ZNF558: variants seen among roughly 807,000 people sequenced by gnomAD.
ZNF558 encodes the protein zinc finger protein 558.
ZNF558 carries 23 observed loss-of-function variants against 37.6 expected under a neutral mutation model. The observed-to-expected ratio is 0.61, with a 90% CI of 0.44 to 0.87. ZNF558 has a LOEUF of 0.87. Among genes scored for constraint, ZNF558 ranks in the 40% least tolerant of loss-of-function variants. ZNF558 has a pLI of 0.00. For missense variants in ZNF558, 429 were observed against 483.7 expected (o/e 0.89, Z 1.06); for synonymous variants, 189 against 174.4 (o/e 1.08, Z -0.66).
chr19:8,813,434 C>T (rs1170191796), intron 7 of ZNF558, among the ~76,000 whole-genome samples: 1 of 152,176 alleles, frequency 6.6e-6, no homozygotes, highest in African/African-American at 2.4e-5. Flanking sequence ...TCTCGGCTCA[C>T]TGCAACCTCT....
In ZNF558 at chr19:8,813,131, A is replaced by C. The variant is rs1021230791; in HGVS notation, c.339T>G (p.Cys113Trp). Residue 113 changes from cysteine to tryptophan, a missense_variant, in exon 8 of 10, where the codon TGT (cysteine) becomes TGG (tryptophan). Physicochemically the swap from Cys to Trp is radical, Grantham distance 215 (BLOSUM62 -2). Transcript: ENST00000601372. The part of the protein sequence containing the change: ...TEERGILPST[C>W]PDLETLLKAK... Reference sequence around the variant, plus strand: ...TCATATCCACCTGGTGCTCACCTGGACAGGTGCTTGGTAGAATTCCTCTTT... The same window carrying C: ...TCATATCCACCTGGTGCTCACCTGGCCAGGTGCTTGGTAGAATTCCTCTTT... 7 of 1,584,340 alleles carry C rather than the reference A, an allele frequency of 4.4e-6. No homozygotes were observed. In the Admixed American group the frequency reaches 7.2e-5, roughly 16 times the overall value.
chr19:8,835,596 C>T (rs1265911692), upstream of ZNF558, among the ~76,000 whole-genome samples: 1 of 152,134 alleles, frequency 6.6e-6, no homozygotes, highest in Non-Finnish European at 1.5e-5. Context: ...TAAAATGGTG[C>T]ACCCACTTTG....
chr19:8,816,595 C>T (rs747934265), intron 7 of ZNF558, among the ~76,000 whole-genome samples: 4 of 152,116 alleles, frequency 2.6e-5, no homozygotes, highest in Admixed American at 1.3e-4. Flanking sequence ...GAAATGAAGA[C>T]CTTCCCATAA....
intron 7 of ZNF558, among the ~76,000 whole-genome samples, chr19:8,813,476 A>G (rs1386304877): frequency 6.6e-6 from 1 of 152,086 alleles, no homozygotes; most frequent in South Asian, 2.1e-4. Context: ...CTCCTGCCTC[A>G]GCCTCCCAAG....
intron 7 of ZNF558, among the ~76,000 whole-genome samples, chr19:8,819,902 C>T (rs147470625): frequency 2.0e-5 from 3 of 152,264 alleles, no homozygotes; most frequent in African/African-American, 7.2e-5. Context: ...GATCGTGCTG[C>T]GCCACTGCAC....
chr19:8,812,337 T>C (rs113298130), intron 9 of ZNF558, among the ~76,000 whole-genome samples: 2 of 152,362 alleles, frequency 1.3e-5, no homozygotes, highest in Admixed American at 6.5e-5. Flanking sequence ...GAGCCACAGA[T>C]AGGAAATATT....
intron 7 of ZNF558, among the ~76,000 whole-genome samples, chr19:8,819,941 G>A (rs1408017468): frequency 2.6e-5 from 4 of 152,120 alleles, no homozygotes; most frequent in Admixed American, 2.0e-4. Flanking sequence ...GGGAGACTGT[G>A]TCAAAACAAG....
At chr19:8,828,690 G>A (rs1431438689) in intron 2 of ZNF558, among the ~76,000 whole-genome samples, 3 of 152,080 alleles carry the variant, frequency 2.0e-5, no homozygotes, top group East Asian at 1.9e-4. Flanking sequence ...AGCCGGGCAC[G>A]GTGGCTCATG....
chr19:8,834,676 C>T (rs539265330), upstream of ZNF558, among the ~76,000 whole-genome samples: 67 of 136,424 alleles, frequency 4.9e-4, no homozygotes, highest in Admixed American at 1.1e-3. Flanking sequence ...AAACAAAAAA[C>T]AGAGAATGAA....
At chr19:8,823,229 G>A (rs1419378080) in intron 4 of ZNF558, among the ~76,000 whole-genome samples, 3 of 151,786 alleles carry the variant, frequency 2.0e-5, no homozygotes, top group Non-Finnish European at 4.4e-5. Context: ...CCAGAACAAC[G>A]TTCAGAAACT....
chr19:8,822,106 A>G lies in ZNF558; in HGVS notation c.32-15T>C, dbSNP rs376739774. The G allele has an allele frequency of 8.7e-5, 140 of 1,613,758 alleles. 1 individual carries two copies. The African/African-American group carries it at 1.7e-3, about 20-fold the overall frequency. On this transcript the variant is annotated splice_polypyrimidine_tract_variant and intron_variant, in intron 5 of 9. Coordinates refer to ENST00000601372, the MANE Select transcript of ZNF558 (RefSeq NM_144693.3). The surrounding 1 kb of genome is among the most constrained non-coding windows in gnomAD (Gnocchi z 4.4). ...GGAAGACGGAGCTGGAGGAGGAGAAATGAGTCCCATGGATTCAGGCTTGTC... is the reference window on the plus strand; with the variant it reads ...GGAAGACGGAGCTGGAGGAGGAGAAGTGAGTCCCATGGATTCAGGCTTGTC...
chr19:8,811,042 T>C lies in ZNF558; in HGVS notation c.*239A>G, dbSNP rs2043773341. On this transcript the variant is annotated 3_prime_UTR_variant, in exon 10 of 10. Coordinates refer to ENST00000601372, the MANE Select transcript of ZNF558 (RefSeq NM_144693.3). ...GATGACTATAGCTTTGGCTGACATC[T>C]TGATTGTAAGTAAAGGCATGAGAGA... 5 of 438,158 alleles carry C rather than the reference T, an allele frequency of 1.1e-5. No individual in the cohort carries two copies. The highest frequency in any genetic ancestry group is 2.0e-5 in the Non-Finnish European group (5 of 247,306). 27.1% of individuals were successfully genotyped at this position (438,158 alleles called of 1,614,324 possible).
At chr19:8,818,335 C>T (rs745938966) in intron 7 of ZNF558, among the ~76,000 whole-genome samples, 7 of 151,956 alleles carry the variant, frequency 4.6e-5, no homozygotes, top group Non-Finnish European at 1.0e-4. Context: ...ACCTGTAGTC[C>T]GAGCTACTCG....
chr19:8,821,873 T>C, intron 6 of ZNF558, 130 bp downstream of exon 6: 1 of 1,526,314 alleles, frequency 6.6e-7, no homozygotes, highest in Non-Finnish European at 8.8e-7. Flanking sequence ...TCACCCTCCA[T>C]CTGATGCCTG....
In ZNF558 at chr19:8,822,125, G is replaced by A. The variant is rs767354729; in HGVS notation, c.32-34C>T. The stretch of plus-strand genomic sequence containing the variant: ...GGAGAAATGAGTCCCATGGATTCAG[G>A]CTTGTCTGACACCCACAGATCTGCC... On this transcript the variant is annotated intron_variant, in intron 5 of 9. Transcript: ENST00000601372. This position sits in a 1 kb window ranked among gnomAD's most constrained non-coding sequence, Gnocchi z 4.4. The A allele has an allele frequency of 4.0e-5, 64 of 1,612,600 alleles. No homozygotes were observed. The East Asian group carries it at 1.3e-3, about 33-fold the overall frequency.
intron 4 of ZNF558, among the ~76,000 whole-genome samples, chr19:8,823,527 G>A (rs1259356791): frequency 2.6e-5 from 3 of 113,240 alleles, no homozygotes; most frequent in African/African-American, 1.1e-4. Context: ...TCCTGCCCAT[G>A]TTCTGCCTGT....
intron 2 of ZNF558, 140 bp from the exon 3 acceptor site, chr19:8,825,248 A>G (rs1172872611): frequency 2.0e-5 from 3 of 152,278 alleles, no homozygotes; most frequent in Non-Finnish European, 2.9e-5. Flanking sequence ...GGCACTTCAT[A>G]TAATCGCAGA....
Position 8,808,327 on chromosome 19 carries a change from ATAAATGTT to A in ZNF558, c.*2946_*2953del, listed in dbSNP as rs1425338187. 2.2e-5 allele frequency: 3 copies of A among 138,146 alleles called. No homozygotes were observed. The highest frequency in any genetic ancestry group is 5.3e-5 in the African/African-American group (2 of 37,846). The allele number at this position is 138,146 out of a possible 1,614,324, so 8.6% of individuals were successfully genotyped here. A position where few individuals can be genotyped will look rare whatever the true frequency, so the allele number is the denominator to read the frequency against. ...CCATCTAAAATAAATAAATAAATAA[ATAAATGTT>A]TGACCATTTATTATTAATGCATTAC... On this transcript the variant is annotated 3_prime_UTR_variant, in exon 10 of 10. Coordinates refer to ENST00000601372, the MANE Select transcript of ZNF558 (RefSeq NM_144693.3).
intron 7 of ZNF558, among the ~76,000 whole-genome samples, chr19:8,820,580 C>T (rs2044059017): frequency 6.6e-6 from 1 of 151,234 alleles, no homozygotes; most frequent in Non-Finnish European, 1.5e-5. Flanking sequence ...CCTCCTGGTT[C>T]AAGCGATTCT....
Sources: allele counts gnomAD v4.1 joint callset (sites outside exome capture counted in the v4.1 genomes callset), GRCh38; gene constraint gnomAD v4.1.1; non-coding constraint Gnocchi (gnomAD v3.1); transcripts MANE v1.5; gene names NCBI Gene and HGNC (gene_info 2026-07-23, HGNC 2026-07-21).